Variants in CAPZB observed in about 807,000 individuals in gnomAD.
The protein encoded by CAPZB is F-actin-capping protein subunit beta.
In CAPZB, 2 loss-of-function variants were observed where a neutral mutation model predicts 38.1. The ratio of observed to expected loss-of-function variants is 0.05; its 90% CI spans 0.02 to 0.17. The LOEUF (loss-of-function observed/expected upper bound fraction) is 0.17. Ranked by LOEUF, CAPZB falls within the 10% of genes least tolerant of loss-of-function variation. CAPZB has a pLI of 1.00. For synonymous variants in CAPZB, 107 were observed against 127.4 expected, an observed-to-expected ratio of 0.84 and a Z score of 1.08; for missense variants, 161 against 334.2, an observed-to-expected ratio of 0.48 and a Z score of 4.04.
intron 1 of CAPZB, chr1:19,424,437 G>C (rs1429202403): frequency 6.6e-6 from 1 of 152,238 alleles, no homozygotes; most frequent in Non-Finnish European, 1.5e-5. Context: ...AGCTGAGGCA[G>C]GAGGATCGTT....
At chr1:19,452,728 T>G (rs199757435) in intron 1 of CAPZB, among the ~76,000 whole-genome samples, 73 of 150,570 alleles carry the variant, frequency 4.8e-4, no homozygotes, top group African/African-American at 1.7e-3. Flanking sequence ...CACACTGCCC[T>G]CCTGCCACTG....
intron 2 of CAPZB, among the ~76,000 whole-genome samples, chr1:19,419,083 T>C (rs537050137): frequency 6.8e-4 from 103 of 152,350 alleles, no homozygotes; most frequent in African/African-American, 2.4e-3. Context: ...TCAAATAATA[T>C]GGTGCTAGTG....
chr1:19,434,255 TTAA>T (rs2094451040), intron 1 of CAPZB, among the ~76,000 whole-genome samples: 1 of 152,180 alleles, frequency 6.6e-6, no homozygotes, highest in Non-Finnish European at 1.5e-5. Context: ...TTCCTAGCAA[TTAA>T]GGTCTGAATA....
At chr1:19,448,800 C>T (rs1261112783) in intron 1 of CAPZB, 1 of 1,611,736 alleles carries the variant, frequency 6.2e-7, no homozygotes, top group East Asian at 2.2e-5. Context: ...ACCTGTTGCT[C>T]CTCCTCCCCC....
rs79776269 is a variant in CAPZB at position 19,474,993 on chromosome 1, G to A, written c.3+10443C>T. On this transcript the variant is annotated intron_variant, in intron 1 of 8. Coordinates refer to ENST00000264202, the MANE Select transcript of CAPZB (RefSeq NM_004930.5). ...ACAAGGACCTGCAGGGAGCTATGGA[G>A]GAGGCGGGAGATCAGGTGTCCACAC... is the stretch of plus-strand genomic sequence containing the variant. Among the ~76,000 whole-genome samples, 5 of 152,292 alleles carry A rather than the reference G, an allele frequency of 3.3e-5. No homozygotes were observed. In the East Asian group the frequency reaches 5.8e-4, roughly 18 times the overall value.
intron 1 of CAPZB, among the ~76,000 whole-genome samples, chr1:19,482,884 G>C (rs941513698): frequency 1.3e-5 from 2 of 152,192 alleles, no homozygotes; most frequent in East Asian, 3.8e-4. Context: ...TATTCAAATA[G>C]GGGATAAACG....
chr1:19,442,777 C>T (rs971221979), intron 1 of CAPZB, among the ~76,000 whole-genome samples: 2 of 152,124 alleles, frequency 1.3e-5, no homozygotes, highest in Non-Finnish European at 2.9e-5. Flanking sequence ...CCCTGGCTTC[C>T]TGTAAAGATG....
intron 2 of CAPZB, among the ~76,000 whole-genome samples, chr1:19,396,110 C>T (rs533019228): frequency 6.2e-4 from 95 of 152,374 alleles, no homozygotes; most frequent in African/African-American, 2.2e-3. Context: ...CGTTGCCCCG[C>T]CTCTACTCCT....
chr1:19,428,171 G>A (rs1264102432), intron 1 of CAPZB, among the ~76,000 whole-genome samples: 1 of 152,248 alleles, frequency 6.6e-6, no homozygotes, highest in East Asian at 1.9e-4. Flanking sequence ...GGGAGGTGGA[G>A]GCGGGTGGAT....
chr1:19,416,777 T>G (rs1219138927), intron 2 of CAPZB, among the ~76,000 whole-genome samples: 2 of 144,698 alleles, frequency 1.4e-5, no homozygotes, highest in Non-Finnish European at 1.5e-5. Context: ...GAAGATCATT[T>G]GAGCCCAGGA....
At chr1:19,344,595 C>T (rs1335170825) in intron 7 of CAPZB, among the ~76,000 whole-genome samples, 161 bp from the exon 8 acceptor site, 1 of 152,188 alleles carries the variant, frequency 6.6e-6, no homozygotes, top group Non-Finnish European at 1.5e-5. Flanking sequence ...GCCAAGACCC[C>T]ACCTGCCATC....
chr1:19,410,586 G>A (rs1040264359), intron 2 of CAPZB, among the ~76,000 whole-genome samples: 1 of 152,132 alleles, frequency 6.6e-6, no homozygotes, highest in African/African-American at 2.4e-5. Context: ...AGGGAGCGGC[G>A]GCTCCTCTGC....
chr1:19,343,150 G>A (rs2093941716), intron 8 of CAPZB, among the ~76,000 whole-genome samples: 1 of 152,216 alleles, frequency 6.6e-6, no homozygotes, highest in Non-Finnish European at 1.5e-5. Flanking sequence ...GGGCGGGAAA[G>A]TGTGTTTGGT....
At chr1:19,340,177 C>T (rs931191559) in intron 8 of CAPZB, among the ~76,000 whole-genome samples, 2 of 152,240 alleles carry the variant, frequency 1.3e-5, no homozygotes, top group Admixed American at 1.3e-4. Flanking sequence ...AGCGTTATCC[C>T]ACCCTTGGGA....
intron 1 of CAPZB, among the ~76,000 whole-genome samples, chr1:19,434,523 G>A (rs1264249641): frequency 6.7e-6 from 1 of 148,838 alleles, no homozygotes; most frequent in African/African-American, 2.5e-5. Context: ...CCAGGAGTTT[G>A]AGACCAACCT....
chr1:19,399,361 G>A lies in CAPZB; in HGVS notation c.94-13735C>T, dbSNP rs77342358. On this transcript the variant is annotated intron_variant, in intron 2 of 8. Coordinates refer to ENST00000264202, the MANE Select transcript of CAPZB (RefSeq NM_004930.5). ...ACCAACAGTTTCAGAATACGAGTAC[G>A]TCATGTGACCCAGAGTTAGGTTGGT... Among the ~76,000 whole-genome samples, 31 of 152,302 alleles carry A rather than the reference G, an allele frequency of 2.0e-4. 1 individual carries two copies. Among genetic ancestry groups the A allele is most frequent in the African/African-American group, 6.0e-4 (25 of 41,574 alleles).
At chr1:19,471,914 G>GCTTCCTCAA in intron 1 of CAPZB, among the ~76,000 whole-genome samples, 1 of 145,190 alleles carries the variant, frequency 6.9e-6, no homozygotes, top group Non-Finnish European at 1.5e-5. Context: ...AAAAAGAAAT[G>GCTTCCTCAA]CTTCCTCAAC....
intron 1 of CAPZB, 195 bp from the exon 2 acceptor site, chr1:19,419,945 A>G (rs1441826418): frequency 1.9e-6 from 1 of 532,214 alleles, no homozygotes; most frequent in Non-Finnish European, 3.3e-6. Flanking sequence ...CTTTGACAGC[A>G]GTCTCTGTCT....
intron 2 of CAPZB, among the ~76,000 whole-genome samples, chr1:19,403,989 T>C (rs1350142173): frequency 6.6e-6 from 1 of 152,084 alleles, no homozygotes; most frequent in African/African-American, 2.4e-5. Context: ...GAGGTAACAG[T>C]AGTAGGCCGG....
Sources: allele counts gnomAD v4.1 joint callset (sites outside exome capture counted in the v4.1 genomes callset), GRCh38; gene constraint gnomAD v4.1.1; transcripts MANE v1.5; gene names NCBI Gene and HGNC (gene_info 2026-07-23, HGNC 2026-07-21).